The following SCN8A variants were observed in gnomAD, a reference collection of about 807,000 sequenced individuals.
SCN8A encodes the protein sodium channel protein type 8 subunit alpha.
In SCN8A, 30 loss-of-function variants were observed where a neutral mutation model predicts 184.1. That is an observed-to-expected ratio of 0.16 (90% CI 0.12 to 0.22). The LOEUF (loss-of-function observed/expected upper bound fraction) is 0.22, where lower values mean the gene tolerates loss of function less well. Among genes scored for constraint, SCN8A ranks in the 10% least tolerant of loss-of-function variants. The pLI is 1.00. For synonymous variants in SCN8A, 852 were observed against 907.0 expected (o/e 0.94, Z 1.09); for missense variants, 1,057 against 2,498.9 (o/e 0.42, Z 12.30).
At chr12:51,787,877 T>C (rs1209338856) in intron 22 of SCN8A, among the ~76,000 whole-genome samples, 2 of 152,174 alleles carry the variant, frequency 1.3e-5, no homozygotes, top group South Asian at 4.1e-4. Context: ...TTCAAAAAAT[T>C]GGACCCACAA....
chr12:51,631,321 A>G (rs934025193), intron 1 of SCN8A, among the ~76,000 whole-genome samples: 2 of 152,292 alleles, frequency 1.3e-5, no homozygotes, highest in African/African-American at 2.4e-5. Flanking sequence ...GCTTACCAAT[A>G]TGCCCCCCAA....
At chr12:51,787,732 T>G (rs975303555) in intron 22 of SCN8A, among the ~76,000 whole-genome samples, 3 of 152,250 alleles carry the variant, frequency 2.0e-5, no homozygotes, top group Non-Finnish European at 1.5e-5. Context: ...GGAGACTAAC[T>G]GCAATAACAG....
intron 1 of SCN8A, among the ~76,000 whole-genome samples, chr12:51,652,899 G>T (rs1940746571): frequency 1.3e-5 from 2 of 152,184 alleles, no homozygotes. Context: ...TTGAAGGCAG[G>T]AGTGAGCTAT....
chr12:51,690,375 A>G (rs1941486366), intron 6 of SCN8A, among the ~76,000 whole-genome samples: 2 of 152,152 alleles, frequency 1.3e-5, no homozygotes, highest in South Asian at 2.1e-4. Context: ...TTTATTTTCT[A>G]GAGACAGGGT....
chr12:51,722,778 G>T (rs1421902428), intron 12 of SCN8A: 2 of 152,238 alleles, frequency 1.3e-5, no homozygotes, highest in Non-Finnish European at 1.5e-5. Context: ...TGGAGGAGTT[G>T]CATATAATAG....
chr12:51,688,725 C>T, intron 5 of SCN8A: 1 of 1,479,652 alleles, frequency 6.8e-7, no homozygotes, highest in Non-Finnish European at 9.5e-7. Context: ...CCCAGTGGTA[C>T]CATTACAAGT....
At chr12:51,785,981 C>CT (rs983099662) in intron 21 of SCN8A, among the ~76,000 whole-genome samples, 4 of 151,474 alleles carry the variant, frequency 2.6e-5, no homozygotes, top group African/African-American at 7.3e-5. Flanking sequence ...GGGAATATAG[C>CT]TTTTTTTTTC....
intron 21 of SCN8A, among the ~76,000 whole-genome samples, chr12:51,785,492 G>T (rs1773825555): frequency 6.6e-6 from 1 of 152,174 alleles, no homozygotes; most frequent in Admixed American, 6.5e-5. Flanking sequence ...GATAGAACAG[G>T]TAGCTCTGAT....
chr12:51,807,567 C>G lies in SCN8A; in HGVS notation c.*138C>G, dbSNP rs920510780. Reference sequence around the variant, plus strand: ...ATCTATACCAAACGTCGTCTGCTTACCACGTAACACAGCTGCATCTTGAGC... The same window carrying G: ...ATCTATACCAAACGTCGTCTGCTTAGCACGTAACACAGCTGCATCTTGAGC... On this transcript the variant is annotated 3_prime_UTR_variant, in exon 27 of 27. Transcript: ENST00000627620. The surrounding 1 kb of genome is among the most constrained non-coding windows in gnomAD (Gnocchi z 4.5). The G allele has an allele frequency of 5.2e-5, 47 of 903,994 alleles. No individual in the cohort carries two copies. The highest frequency in any genetic ancestry group is 8.1e-5 in the Non-Finnish European group (47 of 581,434). The allele number at this position is 903,994 out of a possible 1,614,324, so 56.0% of individuals were successfully genotyped here. A position where few individuals can be genotyped will look rare whatever the true frequency, so the allele number is the denominator to read the frequency against.
At chr12:51,730,683 C>G (rs1942226568) in intron 12 of SCN8A, among the ~76,000 whole-genome samples, 1 of 152,142 alleles carries the variant, frequency 6.6e-6, no homozygotes, top group South Asian at 2.1e-4. Flanking sequence ...TCCCCTCAAG[C>G]ATTTCTTCTT....
At chr12:51,763,555 A>G (rs1246160904) in intron 15 of SCN8A, among the ~76,000 whole-genome samples, 1 of 152,220 alleles carries the variant, frequency 6.6e-6, no homozygotes, top group Non-Finnish European at 1.5e-5. Flanking sequence ...GTTGTTGAAC[A>G]TTGGCTTTAT....
At position 51,603,898 on chromosome 12, in the gene SCN8A, G is replaced by T. The variant is rs967986741; in HGVS notation, c.-55+12539G>T. Among the ~76,000 whole-genome samples, 8 of 151,820 alleles carry T rather than the reference G, an allele frequency of 5.3e-5. 1 individual carries two copies. The highest frequency in any genetic ancestry group is 4.6e-4 in the Admixed American group (7 of 15,248). On this transcript the variant is annotated intron_variant, in intron 1 of 26. Coordinates refer to ENST00000627620, the MANE Select transcript of SCN8A (RefSeq NM_001330260.2). ...ATGTTTTGCCCATTAAAAAAAATTG[G>T]ATTGTTTGTATTCTTACTATGAGTT... is the stretch of plus-strand genomic sequence containing the variant.
At chr12:51,646,517 A>G (rs1472720981) in intron 1 of SCN8A, among the ~76,000 whole-genome samples, 1 of 152,270 alleles carries the variant, frequency 6.6e-6, no homozygotes, top group Non-Finnish European at 1.5e-5. Flanking sequence ...ATACTTAAAA[A>G]TGGCTAAAAT....
intron 12 of SCN8A, among the ~76,000 whole-genome samples, chr12:51,734,646 A>G (rs567254882): frequency 1.3e-5 from 2 of 152,198 alleles, no homozygotes; most frequent in Non-Finnish European, 2.9e-5. Flanking sequence ...AGTGCTGCAG[A>G]GATTTTGTTT....
intron 15 of SCN8A, among the ~76,000 whole-genome samples, chr12:51,764,736 C>G (rs1409255658): frequency 6.6e-6 from 1 of 151,188 alleles, no homozygotes; most frequent in Non-Finnish European, 1.5e-5. Flanking sequence ...TTGACAGGTA[C>G]TAAAAGTTCT....
chr12:51,738,940 T>TGGCCTGA (rs1281781745), intron 12 of SCN8A, among the ~76,000 whole-genome samples: 1 of 152,172 alleles, frequency 6.6e-6, no homozygotes, highest in African/African-American at 2.4e-5. Flanking sequence ...GGTGAGGGAA[T>TGGCCTGA]GGCCTGAGCT....
Position 51,706,422 on chromosome 12 carries a change from G to C in SCN8A, c.1342G>C (p.Ala448Pro). The C allele has an allele frequency of 6.4e-7, 1 of 1,572,614 alleles. No individual in the cohort carries two copies. Among genetic ancestry groups the C allele is most frequent in the Non-Finnish European group, 8.6e-7 (1 of 1,161,736 alleles). The change falls in exon 11 of 27, where the codon GCT becomes CCT. Residue 448 changes from alanine to proline, a missense_variant and splice_region_variant. Physicochemically the swap from Ala to Pro is conservative, Grantham distance 27. Around this residue, in one of 19 missense-constraint regions of SCN8A, gnomAD observed 322 missense variants for 390.1 expected, o/e 0.83. Transcript: ENST00000627620. ...TTCCCTGCTGTGGCTTCTTTCCTAG[G>C]CTGCTGCGATGGCCACTTCAGCAGG... ...QLKKQQEEAQ[A>P]AAMATSAGTV... is the part of the protein sequence containing the mutation.
chr12:51,660,454 T>G (rs1940904718), intron 1 of SCN8A, among the ~76,000 whole-genome samples: 1 of 152,220 alleles, frequency 6.6e-6, no homozygotes, highest in Non-Finnish European at 1.5e-5. Flanking sequence ...AGTGTGAATG[T>G]AGGAGCCAAG....
chr12:51,730,007 A>G (rs58595992), intron 12 of SCN8A, among the ~76,000 whole-genome samples: 11,688 of 150,516 alleles, frequency 0.078, 814 homozygotes, highest in African/African-American at 0.19. Flanking sequence ...TTTATTATTG[A>G]TTTGTTTTTT....
Sources: gnomAD v4.1 joint callset for allele counts (sites outside exome capture counted in the v4.1 genomes callset) on GRCh38, gnomAD v4.1.1 for gene constraint, gnomAD v4.1.1 regional missense constraint, Gnocchi (gnomAD v3.1) non-coding constraint, MANE v1.5 for transcripts, NCBI Gene and HGNC (gene_info 2026-07-23, HGNC 2026-07-21) for gene names.